Variants in MIA2 observed in about 807,000 individuals in gnomAD.
The protein encoded by MIA2 is MIA SH3 domain ER export factor 2, also known as melanoma inhibitory activity protein 2.
A neutral mutation model predicts 167.8 loss-of-function variants in MIA2; 127 were observed. The ratio of observed to expected loss-of-function variants is 0.76; its 90% CI spans 0.66 to 0.88. MIA2 has a LOEUF of 0.88. MIA2 is among the 40% of genes least tolerant of loss of function. The probability of loss-of-function intolerance (pLI) is 0.00; values close to 1 mark genes in which losing one functional copy is unlikely to be tolerated. For missense variants in MIA2, 1,690 were observed against 1,624.7 expected, an observed-to-expected ratio of 1.04 and a Z score of -0.69; for synonymous variants, 552 against 541.9, an observed-to-expected ratio of 1.02 and a Z score of -0.26.
chr14:39,359,010 TGAG>T lies in MIA2; in HGVS notation c.2248+10038_2248+10040del, dbSNP rs370416321. 8.9e-4 allele frequency among the ~76,000 whole-genome samples: 136 copies of T among 152,280 alleles called. 3 individuals are homozygous for T. In the South Asian group the frequency reaches 0.01, roughly 12 times the overall value. On this transcript the variant is annotated intron_variant, in intron 23 of 23. Coordinates refer to the MIA2 transcript ENST00000341502. Reference sequence around the variant, plus strand: ...GCTACTCGGGGGTCAGGGACCCACTTGAGGAGGCAGTCTGTCTGTTCTCAGATC... The same window carrying T: ...GCTACTCGGGGGTCAGGGACCCACTTGAGGCAGTCTGTCTGTTCTCAGATC...
chr14:39,357,235 C>T (rs1387331995), intron 23 of MIA2, among the ~76,000 whole-genome samples: 1 of 152,136 alleles, frequency 6.6e-6, no homozygotes, highest in Admixed American at 6.5e-5. Context: ...TCTGGGTGCT[C>T]CTGTATTGGG....
At chr14:39,266,356 AAT>A in intron 6 of MIA2, 2 of 985,366 alleles carry the variant, frequency 2.0e-6, no homozygotes, top group Non-Finnish European at 2.4e-6. Context: ...CGGTCCTAAA[AAT>A]AGAGTCCTAA....
In MIA2 at chr14:39,308,539, TTAAAG is replaced by T. The variant is rs752707579; in HGVS notation, c.2973_2977del (p.Lys991AsnfsTer3). On this transcript the variant is annotated frameshift_variant, in exon 18 of 29. Transcript: ENST00000640607. LOFTEE classifies it high-confidence loss of function. The stretch of plus-strand genomic sequence containing the variant: ...GAGAATCAGAAGCTTCAACAGAAAC[TTAAAG>T]TAATGACTGAATTATATCAAGAAAA... 8 of 1,575,910 alleles carry T rather than the reference TTAAAG, an allele frequency of 5.1e-6. No individual in the cohort carries two copies. The highest frequency in any genetic ancestry group is 1.9e-5 in the Admixed American group (1 of 53,640).
intron 25 of MIA2, among the ~76,000 whole-genome samples, chr14:39,333,643 C>T (rs530799261): frequency 6.6e-6 from 1 of 152,264 alleles, no homozygotes; most frequent in South Asian, 2.1e-4. Context: ...GAAAACTCAC[C>T]CCATACCCGG....
At chr14:39,320,835 A>T in intron 23 of MIA2, 93 bp from the exon 24 acceptor site, 1 of 1,375,472 alleles carries the variant, frequency 7.3e-7, no homozygotes, top group East Asian at 2.3e-5. Flanking sequence ...TGGCAATAGG[A>T]TGACCTGATG....
At chr14:39,306,654 T>C (rs2063388538) in intron 17 of MIA2, among the ~76,000 whole-genome samples, 1 of 152,214 alleles carries the variant, frequency 6.6e-6, no homozygotes, top group Non-Finnish European at 1.5e-5. Flanking sequence ...AATAATTAAA[T>C]ACCATTACAT....
At chr14:39,302,851 A>G (rs1407119280) in intron 15 of MIA2, among the ~76,000 whole-genome samples, 1 of 152,142 alleles carries the variant, frequency 6.6e-6, no homozygotes, top group African/African-American at 2.4e-5. Flanking sequence ...AAACTAGTAC[A>G]GAGGTCCCAT....
rs1045611860 is a variant in MIA2, at chr14:39,281,171, C to T, written c.2130+1634C>T. On this transcript the variant is annotated intron_variant, in intron 9 of 28. Coordinates refer to ENST00000640607, the MANE Select transcript of MIA2 (RefSeq NM_001329214.4). ...AACTCCTGGGTTCAAGCAATCCTCC[C>T]GTCTTGGCTTCCCAAAGTGCTAGGA... Among the ~76,000 whole-genome samples, 9 of 152,140 alleles carry T rather than the reference C, an allele frequency of 5.9e-5. 1 individual carries two copies. In the South Asian group the frequency reaches 1.5e-3, roughly 25 times the overall value.
At chr14:39,283,297 T>C (rs952678204) in intron 9 of MIA2, among the ~76,000 whole-genome samples, 4 of 152,244 alleles carry the variant, frequency 2.6e-5, no homozygotes, top group Non-Finnish European at 5.9e-5. Context: ...TTTAAATTTC[T>C]TTAGGAGTCT....
intron 6 of MIA2, among the ~76,000 whole-genome samples, chr14:39,271,727 C>A (rs1337540497): frequency 6.6e-6 from 1 of 151,630 alleles, no homozygotes; most frequent in Non-Finnish European, 1.5e-5. Flanking sequence ...CCCAGGACTT[C>A]AAGACCAGCC....
In MIA2 at chr14:39,247,402, T is replaced by C; in HGVS notation, c.828T>C (p.His276=). The C allele has an allele frequency of 6.2e-7, 1 of 1,614,062 alleles. No homozygotes were observed. The highest frequency in any genetic ancestry group is 1.1e-5 in the South Asian group (1 of 91,080). Residue 276 remains histidine (H), a synonymous_variant, in exon 4 of 29, where the codon CAT becomes CAC. Transcript: ENST00000640607. Reference sequence around the variant, plus strand: ...ATAATGGTGAGCCTCAAACAGAACATCAGCAAGAATCTGAATCAGAAATTG... The same window carrying C: ...ATAATGGTGAGCCTCAAACAGAACACCAGCAAGAATCTGAATCAGAAATTG... The part of the protein sequence containing the change: ...ELNNGEPQTE[H]QQESESEIDS...
chr14:39,349,010 AAT>A (rs1303457647), intron 28 of MIA2, 33 bp downstream of exon 28: 2 of 1,588,100 alleles, frequency 1.3e-6, no homozygotes, highest in South Asian at 2.2e-5. Context: ...TTTAAAGCTC[AAT>A]ATGTGGTTTA....
intron 23 of MIA2, chr14:39,385,348 T>C: frequency 1.1e-6 from 1 of 871,122 alleles, no homozygotes; most frequent in East Asian, 2.4e-5. Flanking sequence ...CAGGTTATAC[T>C]CACTTGCACA....
At chr14:39,261,236 G>C (rs367846197) in intron 6 of MIA2, among the ~76,000 whole-genome samples, 4 of 151,974 alleles carry the variant, frequency 2.6e-5, no homozygotes, top group Admixed American at 2.6e-4. Context: ...GAGAATATGC[G>C]GTGTTTGGTT....
intron 23 of MIA2, among the ~76,000 whole-genome samples, chr14:39,363,391 G>A (rs935296794): frequency 2.0e-5 from 3 of 152,166 alleles, no homozygotes; most frequent in Non-Finnish European, 4.4e-5. Context: ...TTAGCTGGGT[G>A]TGGTGGAATG....
At chr14:39,361,324 G>C in intron 23 of MIA2, among the ~76,000 whole-genome samples, 1 of 151,870 alleles carries the variant, frequency 6.6e-6, no homozygotes, top group Admixed American at 6.6e-5. Context: ...TCTTTTATCA[G>C]TGTTTTGTAG....
chr14:39,242,510 A>G (rs1055583863), intron 3 of MIA2, among the ~76,000 whole-genome samples: 10 of 151,912 alleles, frequency 6.6e-5, no homozygotes, highest in African/African-American at 2.2e-4. Context: ...TTTAGTAGAG[A>G]TGGGGTTTCA....
chr14:39,263,957 T>G (rs2055284494), intron 6 of MIA2, among the ~76,000 whole-genome samples: 1 of 152,034 alleles, frequency 6.6e-6, no homozygotes, highest in Non-Finnish European at 1.5e-5. Context: ...CTTATTTCCA[T>G]GTTTATTTTG....
intron 9 of MIA2, among the ~76,000 whole-genome samples, chr14:39,287,592 T>G (rs573588856): frequency 6.6e-6 from 1 of 152,234 alleles, no homozygotes; most frequent in African/African-American, 2.4e-5. Flanking sequence ...TGAGATGAAG[T>G]CTTGCTCTTT....
Sources: gnomAD v4.1 joint callset for allele counts (sites outside exome capture counted in the v4.1 genomes callset) on GRCh38, gnomAD v4.1.1 for gene constraint, MANE v1.5 for transcripts, NCBI Gene and HGNC (gene_info 2026-07-23, HGNC 2026-07-21) for gene names.